The following ASCC2 variants were observed in gnomAD, a reference collection of about 807,000 sequenced individuals.
ASCC2 encodes ASC-1 complex subunit P100.
ASCC2 carries 42 observed loss-of-function variants against 93.5 expected under a neutral mutation model. That is an observed-to-expected ratio of 0.45 (90% CI 0.35 to 0.58). The LOEUF (loss-of-function observed/expected upper bound fraction) is 0.58, where lower values mean the gene tolerates loss of function less well. ASCC2 is among the 20% of genes least tolerant of loss of function. The pLI is 0.00. For synonymous variants in ASCC2, 364 were observed against 384.2 expected, an observed-to-expected ratio of 0.95 and a Z score of 0.62; for missense variants, 859 against 977.6, an observed-to-expected ratio of 0.88 and a Z score of 1.62.
At position 29,793,417 on chromosome 22, in the gene ASCC2, T is replaced by C. The variant is rs1378497701; in HGVS notation, c.1862A>G (p.Asp621Gly). ...ATCATTGGCGCCCACCTGGTTGCCA[T>C]CGTATGTGTCATCGTACTCATCCTC... is the stretch of plus-strand genomic sequence containing the variant. The part of the protein sequence containing the change: ...YYEDEYDDTY[D>G]GNQVGANDAD... Residue 621 changes from aspartate (D) to glycine (G), a missense_variant, in exon 17 of 20, where the codon GAT (aspartate) becomes GGT (glycine). Physicochemically the swap from Asp to Gly is moderately conservative, Grantham distance 94 (BLOSUM62 -1). Transcript: ENST00000307790. 1.9e-6 allele frequency: 3 copies of C among 1,614,066 alleles called. No individual in the cohort carries two copies. Among genetic ancestry groups the C allele is most frequent in the Non-Finnish European group, 2.5e-6 (3 of 1,180,018 alleles).
chr22:29,830,692 G>A lies in ASCC2; in HGVS notation c.81+1553C>T, dbSNP rs1297375750. 2.0e-5 allele frequency among the ~76,000 whole-genome samples: 3 copies of A among 152,312 alleles called. 1 individual carries two copies. The highest frequency in any genetic ancestry group is 2.0e-4 in the Admixed American group (3 of 15,294). On this transcript the variant is annotated intron_variant, in intron 2 of 19. Transcript: ENST00000307790. ...CCCTGATCACACTAGAGAAGCTACT[G>A]GTCTGTCTTTCTCTTAGGTCGTGGG... is the stretch of plus-strand genomic sequence containing the variant.
chr22:29,833,721 T>C (rs181981081), intron 1 of ASCC2: 161 of 442,782 alleles, frequency 3.6e-4, no homozygotes, highest in Admixed American at 1.2e-3. Context: ...AATGACAACA[T>C]GAAGAGAGAC....
intron 1 of ASCC2, among the ~76,000 whole-genome samples, chr22:29,835,508 G>A (rs1293618206): frequency 6.6e-6 from 1 of 152,090 alleles, no homozygotes; most frequent in African/African-American, 2.4e-5. Context: ...TAGGGAGAGA[G>A]CGCTACAGTC....
In ASCC2 at chr22:29,825,560, C is replaced by T; in HGVS notation, c.240+62G>A. 5.6e-6 allele frequency: 9 copies of T among 1,610,266 alleles called. No individual in the cohort carries two copies. The highest frequency in any genetic ancestry group is 7.6e-6 in the Non-Finnish European group (9 of 1,176,746). ...CCTCCTAGGGGAAGAAAAACAACAA[C>T]AGCAACCAACCAATGGCATGTCATG... On this transcript the variant is annotated intron_variant, in intron 3 of 19. Transcript: ENST00000307790. This position sits in a 1 kb window ranked among gnomAD's most constrained non-coding sequence, Gnocchi z 4.9.
intron 14 of ASCC2, among the ~76,000 whole-genome samples, chr22:29,801,407 G>A (rs2059064130): frequency 6.8e-6 from 1 of 147,588 alleles, no homozygotes; most frequent in South Asian, 2.1e-4. Context: ...CGTAATAGTC[G>A]CATAAGATCA....
intron 8 of ASCC2, among the ~76,000 whole-genome samples, chr22:29,811,638 T>C (rs2060291132): frequency 6.6e-6 from 1 of 152,188 alleles, no homozygotes; most frequent in Non-Finnish European, 1.5e-5. Flanking sequence ...AGGGTGTTCG[T>C]GGGTCAAAGG....
At chr22:29,822,860 C>T (rs1447565645) in intron 4 of ASCC2, among the ~76,000 whole-genome samples, 1 of 150,834 alleles carries the variant, frequency 6.6e-6, no homozygotes, top group Non-Finnish European at 1.5e-5. Context: ...AGCCGGACTA[C>T]AGGCACGTGC....
chr22:29,798,171 C>A (rs2058661004), intron 15 of ASCC2, among the ~76,000 whole-genome samples: 1 of 152,310 alleles, frequency 6.6e-6, no homozygotes, highest in African/African-American at 2.4e-5. Flanking sequence ...CTATGATATA[C>A]CTGTAGCACA....
In ASCC2 at chr22:29,788,817, T is replaced by A; in HGVS notation, c.*196A>T. On this transcript the variant is annotated 3_prime_UTR_variant, in exon 20 of 20. Transcript: ENST00000307790. The stretch of plus-strand genomic sequence containing the variant: ...CCCCACGGATTCTTCGGCTGTGGCA[T>A]AAGGCACTGTGTGTTCTGCAGGAAG... 1.6e-6 allele frequency: 1 copy of A among 631,220 alleles called. No individual in the cohort carries two copies. The allele number at this position is 631,220 out of a possible 1,614,324, so 39.1% of individuals were successfully genotyped here. A position where few individuals can be genotyped will look rare whatever the true frequency, so the allele number is the denominator to read the frequency against.
chr22:29,835,175 T>C (rs978715231), intron 1 of ASCC2, among the ~76,000 whole-genome samples: 4 of 152,152 alleles, frequency 2.6e-5, no homozygotes, highest in East Asian at 1.9e-4. Context: ...GGCAGGAGGA[T>C]TGCTCGAAGC....
intron 15 of ASCC2, among the ~76,000 whole-genome samples, chr22:29,795,365 A>G (rs1841327214): frequency 6.6e-6 from 1 of 152,138 alleles, no homozygotes; most frequent in Non-Finnish European, 1.5e-5. Context: ...CCCAGCCTGG[A>G]TCTCTTAAAC....
In ASCC2 at chr22:29,838,228, G is replaced by GCCGCCGCCGCCGCC. The variant is rs1555885984; in HGVS notation, c.-69_-68insGGCGGCGGCGGCGG. 2.1e-6 allele frequency: 1 copy of GCCGCCGCCGCCGCC among 465,548 alleles called. No homozygotes were observed. The highest frequency in any genetic ancestry group is 1.5e-5 in the South Asian group (1 of 65,324). The allele number at this position is 465,548 out of a possible 1,614,324, so 28.8% of individuals were successfully genotyped here. A position where few individuals can be genotyped will look rare whatever the true frequency, so the allele number is the denominator to read the frequency against. Reference sequence around the variant, plus strand: ...TGCCGCCGCCGCCGCCGCCGCCGCCGACCACGGTGACAGCTCCCTGAGCGC... The same window carrying GCCGCCGCCGCCGCC: ...TGCCGCCGCCGCCGCCGCCGCCGCCGCCGCCGCCGCCGCCACCACGGTGACAGCTCCCTGAGCGC... On this transcript the variant is annotated 5_prime_UTR_variant, in exon 1 of 20. Transcript: ENST00000307790.
Position 29,806,255 on chromosome 22 carries a change from G to A in ASCC2, c.1121C>T (p.Ala374Val), listed in dbSNP as rs1400735586. The A allele has an allele frequency of 6.2e-7, 1 of 1,614,146 alleles. No individual in the cohort carries two copies. The highest frequency in any genetic ancestry group is 2.2e-5 in the East Asian group (1 of 44,874). Residue 374 changes from alanine to valine, a missense_variant, in exon 12 of 20, where the codon GCC (alanine) becomes GTC (valine). Physicochemically the swap from Ala to Val is moderately conservative, Grantham distance 64 (BLOSUM62 0). Coordinates refer to ENST00000307790, the MANE Select transcript of ASCC2 (RefSeq NM_032204.5). Reference protein sequence around the residue: ...LRDYDALFPVAEDISLLQQAS... With the variant: ...LRDYDALFPVVEDISLLQQAS... The stretch of plus-strand genomic sequence containing the variant: ...CTGCTGCAGCAAGCTGATGTCTTCG[G>A]CCACGGGGAAGAGTGCATCATAGTC...
chr22:29,826,275 T>TAA (rs796350803), intron 2 of ASCC2: 3 of 142,132 alleles, frequency 2.1e-5, no homozygotes, highest in Non-Finnish European at 4.6e-5. Context: ...ACTTTCCCAT[T>TAA]AAAAAAAAAA....
chr22:29,791,391 A>G (rs1305750612), intron 18 of ASCC2, among the ~76,000 whole-genome samples: 1 of 151,890 alleles, frequency 6.6e-6, no homozygotes, highest in African/African-American at 2.4e-5. Context: ...AAGAAGAAGA[A>G]GAAGAAGGCT....
At position 29,801,116 on chromosome 22, in the gene ASCC2, T is replaced by G; in HGVS notation, c.1569-6A>C. The G allele has an allele frequency of 1.3e-6, 2 of 1,593,206 alleles. No individual in the cohort carries two copies. The highest frequency in any genetic ancestry group is 1.7e-6 in the Non-Finnish European group (2 of 1,163,570). ...TAGGGTCTGGTTTCATTTCTCTGGG[T>G]GGGGGACACAGAGATCAATTTAAGG... On this transcript the variant is annotated splice_polypyrimidine_tract_variant and splice_region_variant and intron_variant, in intron 14 of 19. Coordinates refer to ENST00000307790, the MANE Select transcript of ASCC2 (RefSeq NM_032204.5).
chr22:29,790,357 C>A, intron 19 of ASCC2, 112 bp downstream of exon 19: 1 of 1,059,504 alleles, frequency 9.4e-7, no homozygotes, highest in African/African-American at 1.6e-5. Context: ...GTCGTGAGAA[C>A]TAAATACACG....
Position 29,788,772 on chromosome 22 carries a change from G to T in ASCC2, c.*241C>A, listed in dbSNP as rs2068464026. On this transcript the variant is annotated 3_prime_UTR_variant, in exon 20 of 20. Coordinates refer to ENST00000307790, the MANE Select transcript of ASCC2 (RefSeq NM_032204.5). ...TCTCTTTCCCGCTAGCGCAGCTGGGGGAAGGTGCCTGCTTGCCGGCCCCAC... is the reference window on the plus strand; with the variant it reads ...TCTCTTTCCCGCTAGCGCAGCTGGGTGAAGGTGCCTGCTTGCCGGCCCCAC... 2 of 545,264 alleles carry T rather than the reference G, an allele frequency of 3.7e-6. No individual in the cohort carries two copies. The highest frequency in any genetic ancestry group is 3.2e-5 in the Admixed American group (1 of 31,288). 33.8% of individuals were successfully genotyped at this position (545,264 alleles called of 1,614,324 possible).
In ASCC2 at chr22:29,792,434, T is replaced by G. The variant is rs751925661; in HGVS notation, c.2021A>C (p.Lys674Thr). 6.2e-7 allele frequency: 1 copy of G among 1,613,920 alleles called. No individual in the cohort carries two copies. Among genetic ancestry groups the G allele is most frequent in the Non-Finnish European group, 8.5e-7 (1 of 1,179,854 alleles). Residue 674 changes from lysine to threonine, a missense_variant and splice_region_variant, in exon 18 of 20, where the codon AAG becomes ACG. Coordinates refer to ENST00000307790, the MANE Select transcript of ASCC2 (RefSeq NM_032204.5). ...EEDDADEEAP[K>T]PDHFVQDPAV... ...ATCTGCTACCTGCCAGGGAGGTACC[T>G]TGGGAGCCTCCTCGTCAGCATCGTC...
Sources: gnomAD v4.1 joint callset for allele counts (sites outside exome capture counted in the v4.1 genomes callset) on GRCh38, gnomAD v4.1.1 for gene constraint, Gnocchi (gnomAD v3.1) non-coding constraint, MANE v1.5 for transcripts, NCBI Gene and HGNC (gene_info 2026-07-23, HGNC 2026-07-21) for gene names.